CCDC152: variants seen among roughly 807,000 people sequenced by gnomAD.
The protein encoded by CCDC152 is coiled-coil domain containing 152, also known as coiled-coil domain-containing protein 152.
CCDC152 carries 37 observed loss-of-function variants against 38.1 expected under a neutral mutation model. That is an observed-to-expected ratio of 0.97 (90% CI 0.75 to 1.28). The LOEUF (loss-of-function observed/expected upper bound fraction) is 1.28. CCDC152 is among the 50% of genes most tolerant of loss of function. The pLI is 0.00. For synonymous variants in CCDC152, 83 were observed against 87.1 expected (o/e 0.95, Z 0.26); for missense variants, 259 against 292.1 (o/e 0.89, Z 0.83).
intron 3 of CCDC152, among the ~76,000 whole-genome samples, chr5:42,766,195 A>T (rs1458969064): frequency 6.6e-6 from 1 of 152,216 alleles, no homozygotes; most frequent in East Asian, 1.9e-4. Flanking sequence ...AGAGAAATGC[A>T]AATCAAAACT....
Position 42,775,913 on chromosome 5 carries a change from TA to T in CCDC152, c.263-3530del, listed in dbSNP as rs34618464. On this transcript the variant is annotated intron_variant, in intron 4 of 8. Coordinates refer to ENST00000361970, the MANE Select transcript of CCDC152 (RefSeq NM_001134848.2). Reference sequence around the variant, plus strand: ...ATATTGCAAATTCTAGGACAATCACTAAAAAAAAAAAAAAACTAAAATTAGA... The same window carrying T: ...ATATTGCAAATTCTAGGACAATCACTAAAAAAAAAAAAAACTAAAATTAGA... 2.4e-3 allele frequency among the ~76,000 whole-genome samples: 254 copies of T among 105,350 alleles called. 1 individual carries two copies. The highest frequency in any genetic ancestry group is 0.013 in the East Asian group (51 of 3,802). 69.1% of individuals were successfully genotyped at this position (105,350 alleles called of 152,430 possible).
intron 6 of CCDC152, among the ~76,000 whole-genome samples, chr5:42,788,988 A>G (rs1759962421): frequency 6.6e-6 from 1 of 152,210 alleles, no homozygotes; most frequent in African/African-American, 2.4e-5. Context: ...GTACACAGCC[A>G]GTACAGCACC....
At chr5:42,799,544 A>G (rs1760131423) in intron 8 of CCDC152, 86 bp downstream of exon 8, 2 of 1,160,076 alleles carry the variant, frequency 1.7e-6, no homozygotes, top group Non-Finnish European at 2.4e-6. Flanking sequence ...CTTATTAACA[A>G]TATAAGGTAT....
chr5:42,791,290 T>C (rs1476157990), intron 6 of CCDC152, among the ~76,000 whole-genome samples: 2 of 152,250 alleles, frequency 1.3e-5, no homozygotes, highest in Non-Finnish European at 2.9e-5. Flanking sequence ...CCAGCCTTCC[T>C]GGTAATTTGG....
intron 4 of CCDC152, among the ~76,000 whole-genome samples, chr5:42,778,369 A>T (rs769902688): frequency 1.4e-4 from 22 of 152,174 alleles, no homozygotes; most frequent in Non-Finnish European, 2.9e-4. Context: ...GGGAAGAGCA[A>T]CTAAGGAGGA....
At chr5:42,778,313 T>G (rs1759794821) in intron 4 of CCDC152, among the ~76,000 whole-genome samples, 1 of 152,174 alleles carries the variant, frequency 6.6e-6, no homozygotes, top group Non-Finnish European at 1.5e-5. Flanking sequence ...TTACCTCTCC[T>G]CATTTCCTGT....
chr5:42,772,952 G>A (rs1173615468), intron 4 of CCDC152, among the ~76,000 whole-genome samples: 1 of 152,110 alleles, frequency 6.6e-6, no homozygotes, highest in African/African-American at 2.4e-5. Context: ...ATATGCCTCA[G>A]GGGAAGCTGA....
intron 5 of CCDC152, 80 bp from the exon 6 acceptor site, chr5:42,783,394 G>A (rs1759874205): frequency 4.0e-6 from 2 of 505,884 alleles, no homozygotes; most frequent in Admixed American, 5.6e-5. Context: ...AATATGAATG[G>A]AGAATTTCAC....
intron 2 of CCDC152, among the ~76,000 whole-genome samples, chr5:42,761,594 AAC>A (rs1270330219): frequency 6.6e-6 from 1 of 152,188 alleles, no homozygotes; most frequent in African/African-American, 2.4e-5. Context: ...CAGCCTGGGC[AAC>A]AGAGTCAGAC....
Position 42,801,129 on chromosome 5 carries a change from T to G in CCDC152, c.*1348T>G. On this transcript the variant is annotated 3_prime_UTR_variant, in exon 9 of 9. Transcript: ENST00000361970. ...CCTATGCTGACCCTTGTGCTTATGG[T>G]GGTGATGAAGGCCTGGAGGAGCAGG... The G allele has an allele frequency of 1.2e-6, 2 of 1,614,126 alleles. No homozygotes were observed. The highest frequency in any genetic ancestry group is 1.7e-6 in the Non-Finnish European group (2 of 1,180,030).
chr5:42,799,849 T>A lies in CCDC152; in HGVS notation c.*68T>A, dbSNP rs895939670. 34 of 1,481,480 alleles carry A rather than the reference T, an allele frequency of 2.3e-5. No homozygotes were observed. Among genetic ancestry groups the A allele is most frequent in the Middle Eastern group, 1.8e-4 (1 of 5,494 alleles). The allele number at this position is 1,481,480 out of a possible 1,614,324, so 91.8% of individuals were successfully genotyped here. A position where few individuals can be genotyped will look rare whatever the true frequency, so the allele number is the denominator to read the frequency against. On this transcript the variant is annotated 3_prime_UTR_variant, in exon 9 of 9. Transcript: ENST00000361970. ...TCGAAAGTTTCACTTCTGTTTTCAA[T>A]ATATGCATACAGCCTACATAACAAA... is the stretch of plus-strand genomic sequence containing the variant.
chr5:42,778,257 A>G (rs1331889373), intron 4 of CCDC152, among the ~76,000 whole-genome samples: 1 of 152,200 alleles, frequency 6.6e-6, no homozygotes, highest in Non-Finnish European at 1.5e-5. Flanking sequence ...TATATTTGCT[A>G]CAACCACCTA....
Position 42,760,295 on chromosome 5 carries a change from C to T in CCDC152, c.87+1087C>T, listed in dbSNP as rs556831529. 4.8e-5 allele frequency among the ~76,000 whole-genome samples: 5 copies of T among 103,156 alleles called. No homozygotes were observed. The South Asian group carries it at 2.0e-3, about 42-fold the overall frequency. The allele number at this position is 103,156 out of a possible 152,430, so 67.7% of individuals were successfully genotyped here. On this transcript the variant is annotated intron_variant, in intron 2 of 8. Transcript: ENST00000361970. ...CTCCAGTCTGGGCGACAGAGCGAGA[C>T]TCCGTCTCAAAAAAAAAAAAAAAAA... is the stretch of plus-strand genomic sequence containing the variant.
chr5:42,781,804 A>G (rs1336077293), intron 5 of CCDC152, among the ~76,000 whole-genome samples: 4 of 152,152 alleles, frequency 2.6e-5, no homozygotes, highest in African/African-American at 9.7e-5. Flanking sequence ...GCTGTTAGGT[A>G]TTAGAGGCTT....
intron 4 of CCDC152, among the ~76,000 whole-genome samples, chr5:42,772,234 T>G (rs146090000): frequency 3.3e-5 from 5 of 152,230 alleles, no homozygotes; most frequent in Admixed American, 2.0e-4. Context: ...CCACTCATGA[T>G]TAAAACTCTC....
At chr5:42,796,982 T>G in intron 7 of CCDC152, 26 bp downstream of exon 7, 1 of 1,447,452 alleles carries the variant, frequency 6.9e-7, no homozygotes, top group Non-Finnish European at 9.3e-7. Context: ...TCTGCTAAAC[T>G]TGAGGACACA....
intron 5 of CCDC152, among the ~76,000 whole-genome samples, chr5:42,782,874 A>AT (rs953944667): frequency 1.3e-4 from 20 of 150,214 alleles, no homozygotes; most frequent in Admixed American, 2.0e-4. Flanking sequence ...TAAAATTTAA[A>AT]TTTTTTTTTT....
At position 42,799,953 on chromosome 5, in the gene CCDC152, T is replaced by C. The variant is rs1760143052; in HGVS notation, c.*172T>C. 4 of 704,312 alleles carry C rather than the reference T, an allele frequency of 5.7e-6. No individual in the cohort carries two copies. In the African/African-American group the frequency reaches 7.3e-5, roughly 13 times the overall value. The allele number at this position is 704,312 out of a possible 1,614,324, so 43.6% of individuals were successfully genotyped here. A position where few individuals can be genotyped will look rare whatever the true frequency, so the allele number is the denominator to read the frequency against. ...TCCAATTCTGTACTGCATTCTTGCT[T>C]AATAGTATTAACCATAAAGGAGGTC... On this transcript the variant is annotated 3_prime_UTR_variant, in exon 9 of 9. Coordinates refer to ENST00000361970, the MANE Select transcript of CCDC152 (RefSeq NM_001134848.2).
At chr5:42,763,598 G>A (rs77143416) in intron 3 of CCDC152, among the ~76,000 whole-genome samples, 10,799 of 152,080 alleles carry the variant, frequency 0.071, 449 homozygotes, top group Middle Eastern at 0.12. Context: ...ATATACTCTC[G>A]ATAAGATACA....
Sources: gnomAD v4.1 joint callset for allele counts (sites outside exome capture counted in the v4.1 genomes callset) on GRCh38, gnomAD v4.1.1 for gene constraint, MANE v1.5 for transcripts, NCBI Gene and HGNC (gene_info 2026-07-23, HGNC 2026-07-21) for gene names.